Variants in CADPS2 observed in about 807,000 individuals in gnomAD.
CADPS2 encodes the protein calcium dependent secretion activator 2.
A neutral mutation model predicts 172.5 loss-of-function variants in CADPS2; 93 were observed. The ratio of observed to expected loss-of-function variants is 0.54; its 90% CI spans 0.46 to 0.64. The LOEUF (loss-of-function observed/expected upper bound fraction) is 0.64, where lower values mean the gene tolerates loss of function less well. CADPS2 is among the 30% of genes least tolerant of loss of function. The pLI is 0.00. For missense variants in CADPS2, 1,420 were observed against 1,565.9 expected, an observed-to-expected ratio of 0.91 and a Z score of 1.57; for synonymous variants, 546 against 555.2, an observed-to-expected ratio of 0.98 and a Z score of 0.23.
At chr7:122,635,068 G>T (rs954471556) in intron 3 of CADPS2, among the ~76,000 whole-genome samples, 1 of 152,138 alleles carries the variant, frequency 6.6e-6, no homozygotes, top group African/African-American at 2.4e-5. Flanking sequence ...TTATCACCAA[G>T]CATGTGTCAA....
In CADPS2 at chr7:122,877,419, T is replaced by C. The variant is rs557980005; in HGVS notation, c.339+8580A>G. On this transcript the variant is annotated intron_variant, in intron 1 of 29. Coordinates refer to ENST00000449022, the MANE Select transcript of CADPS2 (RefSeq NM_017954.11). ...CTATTCTAAAGAGTATGGTGACATA[T>C]GAAACAAAAGAGGTATAGCTATTGG... 3.5e-4 allele frequency among the ~76,000 whole-genome samples: 53 copies of C among 152,184 alleles called. No homozygotes were observed. In the South Asian group the frequency reaches 7.1e-3, roughly 20 times the overall value.
chr7:122,378,354 T>G (rs1481194197), intron 25 of CADPS2, among the ~76,000 whole-genome samples: 1 of 152,164 alleles, frequency 6.6e-6, no homozygotes, highest in Non-Finnish European at 1.5e-5. Flanking sequence ...CAATTTATAC[T>G]CCCCTATGTA....
rs10257674 is a variant in CADPS2, at chr7:122,496,311, G to A, written c.1543-4891C>T. On this transcript the variant is annotated intron_variant, in intron 9 of 29. Transcript: ENST00000449022. The stretch of plus-strand genomic sequence containing the variant: ...TGAGTAGCTGGGATCACAGGTGTGC[G>A]CTACCGTATCTGGCTAACTGTTTCT... Among the ~76,000 whole-genome samples, 674 of 152,126 alleles carry A rather than the reference G, an allele frequency of 4.4e-3. 8 individuals carry two copies. Among genetic ancestry groups the A allele is most frequent in the South Asian group, 0.015 (73 of 4,818 alleles).
Position 122,640,509 on chromosome 7 carries a change from AGAG to A in CADPS2, c.787-11184_787-11182del, listed in dbSNP as rs1563933213. On this transcript the variant is annotated intron_variant, in intron 3 of 29. Coordinates refer to ENST00000449022, the MANE Select transcript of CADPS2 (RefSeq NM_017954.11). Reference sequence around the variant, plus strand: ...CACACACAGAGATAGAGAGAGAGAGAGAGAAAAAAAAAGAAGGGAAGGGGAGAA... The same window carrying A: ...CACACACAGAGATAGAGAGAGAGAGAAAAAAAAAAGAAGGGAAGGGGAGAA... Among the ~76,000 whole-genome samples, 23 of 151,274 alleles carry A rather than the reference AGAG, an allele frequency of 1.5e-4. No individual in the cohort carries two copies. In the East Asian group the frequency reaches 2.3e-3, roughly 15 times the overall value.
chr7:122,587,638 G>A (rs535182815), intron 6 of CADPS2, among the ~76,000 whole-genome samples: 21 of 152,212 alleles, frequency 1.4e-4, no homozygotes, highest in African/African-American at 5.1e-4. Flanking sequence ...CCAGTAATGG[G>A]ATTGCTGTGT....
chr7:122,449,942 A>G (rs1397291507), intron 15 of CADPS2, among the ~76,000 whole-genome samples: 1 of 152,216 alleles, frequency 6.6e-6, no homozygotes, highest in Non-Finnish European at 1.5e-5. Context: ...TACTAGCCCC[A>G]GTTGAAAAAT....
At chr7:122,794,293 T>A (rs1795904699) in intron 1 of CADPS2, among the ~76,000 whole-genome samples, 1 of 152,056 alleles carries the variant, frequency 6.6e-6, no homozygotes, top group South Asian at 2.1e-4. Context: ...GAGGTTTTGT[T>A]CATTTCCTTC....
chr7:122,410,561 G>A (rs747805535), intron 19 of CADPS2, among the ~76,000 whole-genome samples: 2 of 150,800 alleles, frequency 1.3e-5, no homozygotes, highest in African/African-American at 4.9e-5. Flanking sequence ...GAGTGATAAC[G>A]GTCAAATCAG....
chr7:122,640,143 G>A (rs2430053), intron 3 of CADPS2, among the ~76,000 whole-genome samples: 78,185 of 151,882 alleles, frequency 0.51, 20,391 homozygotes, highest in East Asian at 0.72. Flanking sequence ...TGTCATCTTC[G>A]ACTTCTCTCT....
chr7:122,605,597 T>C (rs917154498), intron 6 of CADPS2, among the ~76,000 whole-genome samples: 3 of 152,152 alleles, frequency 2.0e-5, no homozygotes, highest in Admixed American at 6.6e-5. Flanking sequence ...CTGTAATATA[T>C]GTTAATGCCT....
chr7:122,638,952 T>C (rs2077336180), intron 3 of CADPS2, among the ~76,000 whole-genome samples: 1 of 152,230 alleles, frequency 6.6e-6, no homozygotes, highest in South Asian at 2.1e-4. Flanking sequence ...CTAGCTCCTC[T>C]AGTCTGCCAC....
chr7:122,721,621 C>A (rs2090413744), intron 2 of CADPS2, among the ~76,000 whole-genome samples: 1 of 152,154 alleles, frequency 6.6e-6, no homozygotes, highest in Non-Finnish European at 1.5e-5. Context: ...CAAGGAGGAG[C>A]TGGTACCATT....
chr7:122,357,195 C>T (rs1004621364), intron 27 of CADPS2, among the ~76,000 whole-genome samples: 6 of 152,112 alleles, frequency 3.9e-5, no homozygotes, highest in African/African-American at 1.2e-4. Flanking sequence ...CTGACTCTAA[C>T]GGTGAGAAAC....
intron 20 of CADPS2, among the ~76,000 whole-genome samples, chr7:122,400,954 T>G (rs1373583654): frequency 4.6e-5 from 7 of 152,200 alleles, no homozygotes; most frequent in African/African-American, 1.4e-4. Context: ...TGATACAGCC[T>G]AAGTGTGAGA....
intron 2 of CADPS2, among the ~76,000 whole-genome samples, chr7:122,704,393 A>C (rs997184030): frequency 1.3e-5 from 2 of 151,526 alleles, no homozygotes; most frequent in African/African-American, 4.8e-5. Context: ...TTCCTGGCTG[A>C]TTCTATTAAC....
At chr7:122,618,790 G>A (rs1426137382) in intron 5 of CADPS2, among the ~76,000 whole-genome samples, 1 of 152,142 alleles carries the variant, frequency 6.6e-6, no homozygotes, top group Non-Finnish European at 1.5e-5. Flanking sequence ...CCTGTGACTA[G>A]AGGCATATCT....
chr7:122,645,319 ACATG>A (rs2078228603), intron 3 of CADPS2, among the ~76,000 whole-genome samples: 4 of 126,100 alleles, frequency 3.2e-5, no homozygotes, highest in African/African-American at 1.1e-4. Flanking sequence ...ATGTGTGTAT[ACATG>A]TACATATATA....
At chr7:122,698,938 C>A in intron 2 of CADPS2, 1 of 1,526,478 alleles carries the variant, frequency 6.6e-7, no homozygotes, top group Non-Finnish European at 8.8e-7. Context: ...CTCCGAGTGA[C>A]TTAAGAACCA....
Position 122,490,128 on chromosome 7 carries a change from T to A in CADPS2, c.1805A>T (p.Gln602Leu), listed in dbSNP as rs749830019. The A allele has an allele frequency of 1.2e-6, 2 of 1,613,498 alleles. No individual in the cohort carries two copies. The highest frequency in any genetic ancestry group is 4.5e-5 in the East Asian group (2 of 44,800). The change falls in exon 11 of 30, where the codon CAG becomes CTG. Residue 602 changes from glutamine (Q) to leucine (L), a missense_variant. Transcript: ENST00000449022. ...SYKPVPAIQT[Q>L]KLNPKGGTLH... ...AGTTCCTCCTTTAGGATTCAGTTTC[T>A]GGGTTTGAATTGCAGGAACTGGTTT...
Sources: gnomAD v4.1 joint callset for allele counts (sites outside exome capture counted in the v4.1 genomes callset) on GRCh38, gnomAD v4.1.1 for gene constraint, MANE v1.5 for transcripts, NCBI Gene and HGNC (gene_info 2026-07-23, HGNC 2026-07-21) for gene names.